Variants in TCF3 observed in about 807,000 individuals in gnomAD.
The protein encoded by TCF3 is transcription factor E2-alpha.
TCF3 carries 54 observed loss-of-function variants against 72.3 expected under a neutral mutation model. That is an observed-to-expected ratio of 0.75 (90% CI 0.60 to 0.94). The LOEUF is 0.94. TCF3 is among the 40% of genes least tolerant of loss of function. The pLI is 0.00. For missense variants in TCF3, 1,078 were observed against 934.4 expected (o/e 1.15, Z -2.00); for synonymous variants, 525 against 412.6 (o/e 1.27, Z -3.30).
At chr19:1,617,248 A>G (rs1192331955) in intron 16 of TCF3, among the ~76,000 whole-genome samples, 1 of 152,192 alleles carries the variant, frequency 6.6e-6, no homozygotes, top group East Asian at 1.9e-4. Flanking sequence ...GGTTGGCAGG[A>G]AAGCGTGATG....
chr19:1,636,163 T>A (rs57879729), intron 3 of TCF3, among the ~76,000 whole-genome samples: 7,774 of 148,328 alleles, frequency 0.052, 607 homozygotes, highest in East Asian at 0.41. Flanking sequence ...TTTTAAAAAA[T>A]TTTTTTTTTC....
At position 1,610,140 on chromosome 19, in the gene TCF3, ACCTGGAGAGAGG is replaced by A. The variant is rs1264332987; in HGVS notation, c.*1555_*1566del. ...TCATGGCAAAAGACCAGAAAAGGAG[ACCTGGAGAGAGG>A]CCTGGGTGCTGGGACATGGGACACA... On this transcript the variant is annotated 3_prime_UTR_variant, in exon 19 of 19. Transcript: ENST00000262965. 3.0e-5 allele frequency: 7 copies of A among 232,498 alleles called. No individual in the cohort carries two copies. The East Asian group carries it at 4.3e-4, about 14-fold the overall frequency. The allele number at this position is 232,498 out of a possible 1,614,324, so 14.4% of individuals were successfully genotyped here. A position where few individuals can be genotyped will look rare whatever the true frequency, so the allele number is the denominator to read the frequency against.
At chr19:1,624,912 C>A (rs1033338056) in intron 7 of TCF3, among the ~76,000 whole-genome samples, 1 of 152,176 alleles carries the variant, frequency 6.6e-6, no homozygotes, top group African/African-American at 2.4e-5. Context: ...ATGGTGCGAT[C>A]GCAGCTCATT....
intron 18 of TCF3, among the ~76,000 whole-genome samples, chr19:1,613,620 G>A (rs191424832): frequency 2.0e-5 from 3 of 152,288 alleles, no homozygotes; most frequent in Non-Finnish European, 4.4e-5. Flanking sequence ...GGGCTCAGCA[G>A]GCAAATACCT....
intron 11 of TCF3, 125 bp from the exon 12 acceptor site, chr19:1,621,316 T>TCAGACAGAAA: frequency 8.2e-7 from 1 of 1,223,188 alleles, no homozygotes; most frequent in Non-Finnish European, 1.1e-6. Flanking sequence ...CTGACTCGGG[T>TCAGACAGAAA]CCGGTTTCTG....
chr19:1,616,256 C>T (rs1022977347), intron 16 of TCF3, among the ~76,000 whole-genome samples: 4 of 151,956 alleles, frequency 2.6e-5, no homozygotes, highest in African/African-American at 4.8e-5. Flanking sequence ...GGGTGGATCA[C>T]GAGGTCAGGA....
chr19:1,652,036 G>T (rs1358250190), intron 1 of TCF3, among the ~76,000 whole-genome samples: 2 of 148,640 alleles, frequency 1.3e-5, no homozygotes, highest in Non-Finnish European at 3.0e-5. Flanking sequence ...CCCGCCCGGG[G>T]CTGCTTAAAG....
At chr19:1,645,078 G>A (rs950052443) in intron 3 of TCF3, among the ~76,000 whole-genome samples, 2 of 152,074 alleles carry the variant, frequency 1.3e-5, no homozygotes, top group African/African-American at 2.4e-5. Flanking sequence ...GTGAGGCAGT[G>A]GGGGCAGCAA....
chr19:1,650,753 C>G, intron 1 of TCF3: 1 of 232,792 alleles, frequency 4.3e-6, no homozygotes, highest in Non-Finnish European at 8.5e-6. Context: ...CCCCCTCCCC[C>G]AGCAGATGGC....
At chr19:1,646,568 G>T in intron 2 of TCF3, 141 bp from the exon 3 acceptor site, 1 of 711,112 alleles carries the variant, frequency 1.4e-6, no homozygotes, top group Non-Finnish European at 2.4e-6. Flanking sequence ...GGCCCGTCCT[G>T]CTCCGCCCCA....
At chr19:1,649,920 G>A (rs1197610747) in intron 2 of TCF3, among the ~76,000 whole-genome samples, 5 of 152,226 alleles carry the variant, frequency 3.3e-5, no homozygotes, top group African/African-American at 4.8e-5. Context: ...ATGCCCCTGA[G>A]GACTCAGTTT....
chr19:1,640,113 C>A (rs1011374925), intron 3 of TCF3, among the ~76,000 whole-genome samples: 1 of 152,162 alleles, frequency 6.6e-6, no homozygotes, highest in Non-Finnish European at 1.5e-5. Context: ...AGCCTCCCTG[C>A]GCAGGTGGAA....
chr19:1,638,097 T>C (rs2064708821), intron 3 of TCF3, among the ~76,000 whole-genome samples: 1 of 152,156 alleles, frequency 6.6e-6, no homozygotes, highest in African/African-American at 2.4e-5. Flanking sequence ...AGTGAGCACA[T>C]TTAATTACGA....
chr19:1,636,598 A>G (rs998527930), intron 3 of TCF3, among the ~76,000 whole-genome samples: 3 of 152,050 alleles, frequency 2.0e-5, no homozygotes, highest in Non-Finnish European at 4.4e-5. Context: ...CCTCCATTTT[A>G]TCTAAATTCA....
chr19:1,613,305 G>A (rs2061229113), intron 18 of TCF3, among the ~76,000 whole-genome samples: 1 of 152,148 alleles, frequency 6.6e-6, no homozygotes, highest in African/African-American at 2.4e-5. Flanking sequence ...AGCTCTAGGG[G>A]AGGCTGTGGA....
chr19:1,622,227 T>C lies in TCF3; in HGVS notation c.653-4A>G, dbSNP rs910903157. The C allele has an allele frequency of 5.8e-6, 9 of 1,540,842 alleles. No homozygotes were observed. In the African/African-American group the frequency reaches 1.2e-4, roughly 21 times the overall value. On this transcript the variant is annotated splice_region_variant and splice_polypyrimidine_tract_variant and intron_variant, in intron 9 of 18. Transcript: ENST00000262965. The stretch of plus-strand genomic sequence containing the variant: ...GCTGAGGGGTGCAGGCTGCCATCTG[T>C]GGAGGGGAGCTGGTAAGGTGGGGGC...
intron 14 of TCF3, 149 bp from the exon 15 acceptor site, chr19:1,619,623 C>T (rs2061933289): frequency 1.5e-6 from 2 of 1,328,254 alleles, no homozygotes; most frequent in Non-Finnish European, 2.0e-6. Flanking sequence ...CGCCCGGGAG[C>T]ACACACAAAA....
intron 6 of TCF3, 91 bp downstream of exon 6, chr19:1,627,268 C>T: frequency 1.8e-6 from 2 of 1,089,106 alleles, no homozygotes; most frequent in Non-Finnish European, 2.5e-6. Flanking sequence ...CATAACCTAG[C>T]TAAGCCAGGA....
intron 18 of TCF3, chr19:1,612,492 G>A (rs1568314955): frequency 6.8e-7 from 1 of 1,473,074 alleles, no homozygotes; most frequent in South Asian, 1.2e-5. Context: ...GGGAGGGCAG[G>A]GCTGGGTTGT....
Sources: allele counts gnomAD v4.1 joint callset (sites outside exome capture counted in the v4.1 genomes callset), GRCh38; gene constraint gnomAD v4.1.1; transcripts MANE v1.5; gene names NCBI Gene and HGNC (gene_info 2026-07-23, HGNC 2026-07-21).